Variants in ATF6 observed in about 807,000 individuals in gnomAD.
The protein encoded by ATF6 is cyclic AMP-dependent transcription factor ATF-6 alpha.
Under a neutral mutation model 83.6 loss-of-function variants are expected in ATF6, and 53 were observed. The ratio of observed to expected loss-of-function variants is 0.63; its 90% CI spans 0.51 to 0.80. The LOEUF is 0.80. Among genes scored for constraint, ATF6 ranks in the 30% least tolerant of loss-of-function variants. The probability of loss-of-function intolerance (pLI) is 0.00; values close to 1 mark genes in which losing one functional copy is unlikely to be tolerated. For synonymous variants in ATF6, 288 were observed against 285.8 expected, an observed-to-expected ratio of 1.01 and a Z score of -0.08; for missense variants, 744 against 797.9, an observed-to-expected ratio of 0.93 and a Z score of 0.81.
chr1:161,782,707 C>T (rs1684665343), intron 3 of ATF6, among the ~76,000 whole-genome samples: 1 of 152,212 alleles, frequency 6.6e-6, no homozygotes, highest in Non-Finnish European at 1.5e-5. Flanking sequence ...ACCTATTCCT[C>T]TTCATTTTAT....
chr1:161,953,134 C>T (rs1421318707), intron 15 of ATF6, among the ~76,000 whole-genome samples: 1 of 152,120 alleles, frequency 6.6e-6, no homozygotes, highest in African/African-American at 2.4e-5. Context: ...TCAGTAGCTT[C>T]GTTCCTGGAA....
chr1:161,929,907 T>C (rs1688397235), intron 15 of ATF6, among the ~76,000 whole-genome samples: 1 of 152,212 alleles, frequency 6.6e-6, no homozygotes, highest in Admixed American at 6.5e-5. Flanking sequence ...ATCATCTCTC[T>C]CTGTAAAGGG....
At chr1:161,895,139 A>G (rs1687647986) in intron 14 of ATF6, among the ~76,000 whole-genome samples, 1 of 152,174 alleles carries the variant, frequency 6.6e-6, no homozygotes, top group African/African-American at 2.4e-5. Flanking sequence ...CTGGAGGCTG[A>G]GGTGGGAGAA....
At chr1:161,842,082 A>G (rs1021379095) in intron 9 of ATF6, among the ~76,000 whole-genome samples, 1 of 152,206 alleles carries the variant, frequency 6.6e-6, no homozygotes, top group East Asian at 1.9e-4. Context: ...TAAATTATCC[A>G]TAAGTCATAC....
chr1:161,854,008 CAAAT>C (rs1557996824), intron 12 of ATF6, among the ~76,000 whole-genome samples: 2 of 152,076 alleles, frequency 1.3e-5, no homozygotes, highest in African/African-American at 4.8e-5. Context: ...AAACAATAAG[CAAAT>C]AAATAAATAC....
chr1:161,788,977 T>G (rs1684810525), intron 4 of ATF6, among the ~76,000 whole-genome samples: 1 of 152,058 alleles, frequency 6.6e-6, no homozygotes, highest in African/African-American at 2.4e-5. Flanking sequence ...GAAATATTTA[T>G]TTATTTGTTT....
At chr1:161,803,993 T>A (rs1294685216) in intron 7 of ATF6, among the ~76,000 whole-genome samples, 1 of 59,264 alleles carries the variant, frequency 1.7e-5, no homozygotes. Context: ...CCCTCCCCCC[T>A]CCCCCCACCC....
chr1:161,954,958 C>T (rs182424476), intron 15 of ATF6, among the ~76,000 whole-genome samples: 2 of 152,078 alleles, frequency 1.3e-5, no homozygotes, highest in African/African-American at 2.4e-5. Context: ...TTTTGACTCC[C>T]GTACTATTTG....
At chr1:161,887,984 T>C (rs576644831) in intron 14 of ATF6, among the ~76,000 whole-genome samples, 1 of 152,340 alleles carries the variant, frequency 6.6e-6, no homozygotes. Context: ...TAAATAACTT[T>C]TTAAAAAACA....
At chr1:161,910,383 G>A (rs779568233) in intron 14 of ATF6, among the ~76,000 whole-genome samples, 7 of 152,166 alleles carry the variant, frequency 4.6e-5, no homozygotes, top group South Asian at 4.2e-4. Context: ...GTAATAATTC[G>A]TATGCATGCA....
Position 161,848,440 on chromosome 1 carries a change from TA to T in ATF6, c.1319+1866del, listed in dbSNP as rs539572350. Among the ~76,000 whole-genome samples, 132 of 152,244 alleles carry T rather than the reference TA, an allele frequency of 8.7e-4. 1 individual carries two copies. Among genetic ancestry groups the T allele is most frequent in the Non-Finnish European group, 1.3e-3 (87 of 67,970 alleles). On this transcript the variant is annotated intron_variant, in intron 10 of 15. Coordinates refer to ENST00000367942, the MANE Select transcript of ATF6 (RefSeq NM_007348.4). ...GGAGAGCTATGAGACATGGTTCAAA[TA>T]AAAAATGAGTAGATTCTAATCCCAT...
At chr1:161,793,860 G>A (rs1442315395) in intron 6 of ATF6, among the ~76,000 whole-genome samples, 4 of 152,116 alleles carry the variant, frequency 2.6e-5, no homozygotes, top group African/African-American at 9.7e-5. Context: ...GAAGACTATA[G>A]TTATTTTTTT....
At chr1:161,815,863 C>A (rs1368297564) in intron 7 of ATF6, among the ~76,000 whole-genome samples, 1 of 152,172 alleles carries the variant, frequency 6.6e-6, no homozygotes, top group Non-Finnish European at 1.5e-5. Context: ...TCTGTTGAAC[C>A]TGTGAGGTTG....
In ATF6 at chr1:161,821,066, T is replaced by G; in HGVS notation, c.1096-4T>G. 1 of 1,597,864 alleles carries G rather than the reference T, an allele frequency of 6.3e-7. No homozygotes were observed. Among genetic ancestry groups the G allele is most frequent in the Non-Finnish European group, 8.5e-7 (1 of 1,171,310 alleles). ...ATTGTATTTAATGTGGTCATTTCCT[T>G]TAGAACCAGAGGCTTAAAGTCCCTA... On this transcript the variant is annotated splice_polypyrimidine_tract_variant and splice_region_variant and intron_variant, in intron 8 of 15. Transcript: ENST00000367942.
chr1:161,867,491 A>G (rs1291805172), intron 14 of ATF6, among the ~76,000 whole-genome samples: 1 of 152,226 alleles, frequency 6.6e-6, no homozygotes, highest in Admixed American at 6.5e-5. Context: ...ATATTAATTT[A>G]TTATTTCAAT....
At chr1:161,894,829 C>T (rs1488196027) in intron 14 of ATF6, among the ~76,000 whole-genome samples, 2 of 150,814 alleles carry the variant, frequency 1.3e-5, no homozygotes, top group East Asian at 3.9e-4. Context: ...GGATTACAGG[C>T]GTGAGCTGCT....
At chr1:161,812,366 ATTTTCTTTTTTTTTTTTTTTTTTTT>A (rs1399655759) in intron 7 of ATF6, among the ~76,000 whole-genome samples, 8 of 37,536 alleles carry the variant, frequency 2.1e-4, no homozygotes, top group African/African-American at 6.0e-4. Flanking sequence ...GGGAGCAGGT[ATTTTCTTTTTTTTTTTTTTTTTTTT>A]TTTTTTTTTT....
In ATF6 at chr1:161,788,842, GTA is replaced by G. The variant is rs532932837; in HGVS notation, c.355-2562_355-2561del. ...TGTAATCACTCTTTTCAACAATATT[GTA>G]TATCTCTCTGTTTACTGAAATCTTT... On this transcript the variant is annotated intron_variant, in intron 4 of 15. Coordinates refer to ENST00000367942, the MANE Select transcript of ATF6 (RefSeq NM_007348.4). 4.9e-3 allele frequency among the ~76,000 whole-genome samples: 751 copies of G among 152,056 alleles called. 5 individuals carry two copies. Among genetic ancestry groups the G allele is most frequent in the Non-Finnish European group, 6.8e-3 (465 of 67,952 alleles).
At chr1:161,816,202 G>C (rs1685607772) in intron 7 of ATF6, among the ~76,000 whole-genome samples, 2 of 152,222 alleles carry the variant, frequency 1.3e-5, no homozygotes, top group African/African-American at 4.8e-5. Flanking sequence ...CCTGGTGGGA[G>C]AGTTGTCTGG....
Sources: allele counts gnomAD v4.1 joint callset (sites outside exome capture counted in the v4.1 genomes callset), GRCh38; gene constraint gnomAD v4.1.1; transcripts MANE v1.5; gene names NCBI Gene and HGNC (gene_info 2026-07-23, HGNC 2026-07-21).